The following GPR158 variants were observed in gnomAD, a reference collection of about 807,000 sequenced individuals.
The protein encoded by GPR158 is metabotropic glycine receptor.
In GPR158, 30 loss-of-function variants were observed where a neutral mutation model predicts 78.2. The ratio of observed to expected loss-of-function variants is 0.38; its 90% confidence interval spans 0.29 to 0.52. GPR158 has a LOEUF of 0.52. Among genes scored for constraint, GPR158 ranks in the 20% least tolerant of loss-of-function variants. The pLI is 0.83. For missense variants in GPR158, 1,463 were observed against 1,523.5 expected, an observed-to-expected ratio of 0.96 and a Z score of 0.66; for synonymous variants, 581 against 591.1, an observed-to-expected ratio of 0.98 and a Z score of 0.25.
chr10:25,569,867 A>T (rs192659014), intron 6 of GPR158, among the ~76,000 whole-genome samples: 1 of 152,284 alleles, frequency 6.6e-6, no homozygotes, highest in East Asian at 1.9e-4. Flanking sequence ...TAGAGAAAAA[A>T]ATTATATCTT....
At chr10:25,488,330 C>T (rs1835760564) in intron 5 of GPR158, among the ~76,000 whole-genome samples, 1 of 152,144 alleles carries the variant, frequency 6.6e-6, no homozygotes. Flanking sequence ...TAGTCATTTA[C>T]ATAGGGGAGC....
intron 2 of GPR158, among the ~76,000 whole-genome samples, chr10:25,242,749 T>C (rs975480867): frequency 3.9e-5 from 6 of 152,208 alleles, no homozygotes; most frequent in African/African-American, 1.4e-4. Context: ...TACTTTTTTT[T>C]CCAATTTTAT....
chr10:25,503,215 A>T (rs1361574138), intron 5 of GPR158, among the ~76,000 whole-genome samples: 1 of 152,044 alleles, frequency 6.6e-6, no homozygotes, highest in Non-Finnish European at 1.5e-5. Flanking sequence ...CAAAAAAAAA[A>T]AAAAAATTAT....
chr10:25,559,919 A>C (rs927837493), intron 6 of GPR158, among the ~76,000 whole-genome samples: 1 of 152,248 alleles, frequency 6.6e-6, no homozygotes, highest in African/African-American at 2.4e-5. Flanking sequence ...TGTGGAAGAC[A>C]CTTTGGGACC....
At chr10:25,273,009 T>C (rs1854137318) in intron 2 of GPR158, among the ~76,000 whole-genome samples, 1 of 152,186 alleles carries the variant, frequency 6.6e-6, no homozygotes, top group Non-Finnish European at 1.5e-5. Flanking sequence ...GGCTGTATCT[T>C]ACCAAAAGTC....
intron 7 of GPR158, among the ~76,000 whole-genome samples, chr10:25,573,938 TATAAC>T (rs753077609): frequency 7.0e-4 from 107 of 152,096 alleles, no homozygotes; most frequent in Middle Eastern, 3.4e-3. Context: ...TTTTGGGTAA[TATAAC>T]AGAAGATAAA....
intron 4 of GPR158, among the ~76,000 whole-genome samples, chr10:25,444,103 G>A (rs929829180): frequency 2.7e-5 from 4 of 150,560 alleles, no homozygotes; most frequent in Admixed American, 6.6e-5. Flanking sequence ...TCCAAACATT[G>A]CCAGATATCC....
At chr10:25,384,275 C>A (rs1412334963) in intron 2 of GPR158, among the ~76,000 whole-genome samples, 1 of 151,802 alleles carries the variant, frequency 6.6e-6, no homozygotes, top group Non-Finnish European at 1.5e-5. Flanking sequence ...AATAAAAAAC[C>A]ATGAAAACTA....
chr10:25,361,241 C>T (rs1386865885), intron 2 of GPR158, among the ~76,000 whole-genome samples: 1 of 151,878 alleles, frequency 6.6e-6, no homozygotes, highest in Non-Finnish European at 1.5e-5. Flanking sequence ...CAATGTTCAA[C>T]TATGTTGTGG....
intron 2 of GPR158, among the ~76,000 whole-genome samples, chr10:25,232,420 C>T (rs1026332836): frequency 3.3e-5 from 5 of 152,116 alleles, no homozygotes; most frequent in Non-Finnish European, 5.9e-5. Flanking sequence ...TGCTTGGCAG[C>T]CCCCTTTTTG....
chr10:25,411,332 T>C (rs1456186417), intron 3 of GPR158, among the ~76,000 whole-genome samples: 1 of 152,164 alleles, frequency 6.6e-6, no homozygotes, highest in Non-Finnish European at 1.5e-5. Context: ...GTATAGACTG[T>C]ACTCTGGGCA....
intron 2 of GPR158, among the ~76,000 whole-genome samples, chr10:25,289,671 C>T (rs368723305): frequency 2.6e-5 from 4 of 152,236 alleles, no homozygotes; most frequent in African/African-American, 4.8e-5. Flanking sequence ...CCGCCCTCCT[C>T]TGCCTCCCAA....
At chr10:25,544,504 C>A (rs577309721) in intron 5 of GPR158, among the ~76,000 whole-genome samples, 1 of 151,886 alleles carries the variant, frequency 6.6e-6, no homozygotes, top group African/African-American at 2.4e-5. Context: ...GTTATCAGTG[C>A]GTATGTGTTG....
chr10:25,598,652 G>A lies in GPR158; in HGVS notation c.3026G>A (p.Trp1009Ter). ...DNFDIGEVCP[W>*]EVYDLTPGPV... ...TTTGACATTGGGGAGGTGTGTCCTT[G>A]GGAGGTTTATGACCTGACCCCTGGT... is the stretch of plus-strand genomic sequence containing the variant. Residue 1009 changes from tryptophan (W) to a stop codon, truncating the protein, a stop_gained, in exon 11 of 11, where the codon TGG becomes TAG. Coordinates refer to ENST00000376351, the MANE Select transcript of GPR158 (RefSeq NM_020752.3). LOFTEE classifies it low-confidence loss of function (END_TRUNC). The A allele has an allele frequency of 6.2e-7, 1 of 1,613,990 alleles. No homozygotes were observed. Among genetic ancestry groups the A allele is most frequent in the Non-Finnish European group, 8.5e-7 (1 of 1,180,004 alleles).
chr10:25,363,795 G>T (rs1341853027), intron 2 of GPR158, among the ~76,000 whole-genome samples: 2 of 151,702 alleles, frequency 1.3e-5, no homozygotes, highest in African/African-American at 4.8e-5. Flanking sequence ...TGCATGCTTG[G>T]TTCATCTAAG....
chr10:25,479,065 T>C (rs1004031510), intron 5 of GPR158, among the ~76,000 whole-genome samples: 5 of 152,054 alleles, frequency 3.3e-5, no homozygotes, highest in Admixed American at 2.6e-4. Context: ...TTTGGGTTGG[T>C]TCCAAGTCTT....
At chr10:25,327,174 C>G (rs895594038) in intron 2 of GPR158, among the ~76,000 whole-genome samples, 1 of 151,968 alleles carries the variant, frequency 6.6e-6, no homozygotes, top group African/African-American at 2.4e-5. Flanking sequence ...CACACACACG[C>G]GCAAGAAGTG....
intron 2 of GPR158, among the ~76,000 whole-genome samples, chr10:25,378,583 A>G (rs1276949460): frequency 6.7e-6 from 1 of 149,790 alleles, no homozygotes; most frequent in Non-Finnish European, 1.5e-5. Flanking sequence ...TTTTTTTATT[A>G]TTTAACTTTT....
At chr10:25,485,831 A>G (rs577090750) in intron 5 of GPR158, among the ~76,000 whole-genome samples, 2 of 152,212 alleles carry the variant, frequency 1.3e-5, no homozygotes, top group South Asian at 2.1e-4. Flanking sequence ...TGGTCTGAAT[A>G]TTTCTGTCCT....
Sources: allele counts gnomAD v4.1 joint callset (sites outside exome capture counted in the v4.1 genomes callset), GRCh38; gene constraint gnomAD v4.1.1; transcripts MANE v1.5; gene names NCBI Gene and HGNC (gene_info 2026-07-23, HGNC 2026-07-21).